GFI1B: variants seen among roughly 807,000 people sequenced by gnomAD.
GFI1B encodes the protein growth factor independent 1B transcriptional repressor, also known as zinc finger protein Gfi-1b.
A neutral mutation model predicts 35.3 loss-of-function variants in GFI1B; 20 were observed. The observed-to-expected ratio is 0.57, with a 90% CI of 0.40 to 0.82. GFI1B has a LOEUF of 0.82. GFI1B is among the 40% of genes least tolerant of loss of function. GFI1B has a pLI of 0.00. For missense variants in GFI1B, 430 were observed against 446.3 expected (o/e 0.96, Z 0.33); for synonymous variants, 178 against 177.6 (o/e 1.00, Z -0.02).
rs533744546 is a variant in GFI1B, at chr9:132,982,965, C to T, written c.-20-3694C>T. 2.0e-5 allele frequency among the ~76,000 whole-genome samples: 3 copies of T among 152,216 alleles called. No homozygotes were observed. In the Middle Eastern group the frequency reaches 0.01, roughly 518 times the overall value. On this transcript the variant is annotated intron_variant, in intron 1 of 6. Coordinates refer to ENST00000372122, the MANE Select transcript of GFI1B (RefSeq NM_001377304.1). ...TTGCCCTGTGCCTAAGTGAAAAGTG[C>T]TTGGCCAGGGCTCATGAGCGCTAGA...
intron 1 of GFI1B, among the ~76,000 whole-genome samples, chr9:132,961,338 T>C (rs1848359898): frequency 6.6e-6 from 1 of 151,910 alleles, no homozygotes; most frequent in Admixed American, 6.6e-5. Context: ...GAGAAAACTT[T>C]TGCAACTTAT....
At chr9:132,981,888 G>A (rs1848834339) in intron 1 of GFI1B, among the ~76,000 whole-genome samples, 1 of 152,146 alleles carries the variant, frequency 6.6e-6, no homozygotes, top group Non-Finnish European at 1.5e-5. Flanking sequence ...GAGTAGCTGG[G>A]ATTACAGGTG....
At chr9:132,946,237 C>G (rs2132569832) in intron 1 of GFI1B, among the ~76,000 whole-genome samples, 1 of 152,240 alleles carries the variant, frequency 6.6e-6, no homozygotes, top group East Asian at 1.9e-4. Flanking sequence ...GTTCTAGATT[C>G]AAACAGACCA....
upstream of GFI1B, chr9:132,976,499 G>A (rs78897084): frequency 0.026 from 3,907 of 152,396 alleles, 80 homozygotes; most frequent in Non-Finnish European, 0.04. Context: ...ACAGCAGCTC[G>A]TGCCTGTAAT....
intron 1 of GFI1B, among the ~76,000 whole-genome samples, chr9:132,983,513 GCCCCAGCACCCTGCATT>G (rs1001878365): frequency 1.3e-5 from 2 of 152,010 alleles, no homozygotes; most frequent in Non-Finnish European, 2.9e-5. Context: ...CTCCCCTCTT[GCCCCAGCACCCTGCATT>G]TCCCTCTGTG....
intron 1 of GFI1B, among the ~76,000 whole-genome samples, chr9:132,963,345 T>C (rs190376988): frequency 2.3e-4 from 35 of 152,134 alleles, no homozygotes; most frequent in African/African-American, 7.7e-4. Flanking sequence ...TGGCATGTTG[T>C]GGCACGCACT....
At chr9:132,972,994 C>T (rs1158187560) in intron 2 of GFI1B, among the ~76,000 whole-genome samples, 1 of 152,216 alleles carries the variant, frequency 6.6e-6, no homozygotes, top group East Asian at 1.9e-4. Context: ...TGCTGTCCAC[C>T]CTTCAGCGCA....
chr9:132,949,896 C>G (rs142207327), intron 1 of GFI1B: 1,939 of 152,866 alleles, frequency 0.013, 47 homozygotes, highest in African/African-American at 0.044. Flanking sequence ...GGAGGATTGC[C>G]TGGGGCCGGG....
intron 1 of GFI1B, among the ~76,000 whole-genome samples, chr9:132,956,107 C>A (rs1254139032): frequency 6.6e-6 from 1 of 152,180 alleles, no homozygotes; most frequent in Non-Finnish European, 1.5e-5. Context: ...ACACGTTTGA[C>A]CACACATGTG....
At chr9:132,947,009 A>G (rs1395940350) in intron 1 of GFI1B, 1 of 152,488 alleles carries the variant, frequency 6.6e-6, no homozygotes, top group Non-Finnish European at 1.5e-5. Context: ...AGGCTGGGCC[A>G]CCTAGATGTT....
intron 1 of GFI1B, among the ~76,000 whole-genome samples, chr9:132,946,252 TTGAA>T (rs1848095280): frequency 6.6e-6 from 1 of 152,116 alleles, no homozygotes. Flanking sequence ...AGACCAGAGT[TTGAA>T]TGTAGGTTTC....
intron 1 of GFI1B, among the ~76,000 whole-genome samples, chr9:132,979,554 T>G (rs1448054034): frequency 1.3e-5 from 2 of 152,122 alleles, no homozygotes; most frequent in East Asian, 3.9e-4. Flanking sequence ...CCCAGGACAC[T>G]TTGAGAGTCA....
chr9:132,978,694 A>T lies in GFI1B; in HGVS notation c.-168A>T, dbSNP rs1290066306. 6.6e-6 allele frequency: 1 copy of T among 152,292 alleles called. No individual in the cohort carries two copies. The highest frequency in any genetic ancestry group is 2.4e-5 in the African/African-American group (1 of 41,480). 9.4% of individuals were successfully genotyped at this position (152,292 alleles called of 1,614,324 possible). On this transcript the variant is annotated 5_prime_UTR_variant, in exon 1 of 7. Coordinates refer to ENST00000372122, the MANE Select transcript of GFI1B (RefSeq NM_001377304.1). Reference sequence around the variant, plus strand: ...GGGAGGGGAACAGAAGAGGAAAAACACACAGAGAGACAGAGCAAAAAGGAG... The same window carrying T: ...GGGAGGGGAACAGAAGAGGAAAAACTCACAGAGAGACAGAGCAAAAAGGAG...
At chr9:132,979,546 C>T (rs537304515) in intron 1 of GFI1B, among the ~76,000 whole-genome samples, 1 of 152,200 alleles carries the variant, frequency 6.6e-6, no homozygotes, top group East Asian at 1.9e-4. Flanking sequence ...GCCAAATTCC[C>T]AGGACACTTT....
At chr9:132,978,384 T>C, upstream of GFI1B, 1 of 152,110 alleles carries the variant, frequency 6.6e-6, no homozygotes, top group East Asian at 1.9e-4. Flanking sequence ...CTATGCAAAA[T>C]CGAGTTTTAT....
At chr9:132,976,289 G>A (rs1184457451), upstream of GFI1B, among the ~76,000 whole-genome samples, 1 of 152,198 alleles carries the variant, frequency 6.6e-6, no homozygotes, top group Non-Finnish European at 1.5e-5. Context: ...ATAAAATCAT[G>A]TTTCACGGAA....
intron 1 of GFI1B, among the ~76,000 whole-genome samples, chr9:132,958,134 A>G (rs1318877993): frequency 6.6e-6 from 1 of 152,116 alleles, no homozygotes; most frequent in African/African-American, 2.4e-5. Flanking sequence ...TTGGGTCGAC[A>G]TCTGCTGGGG....
intron 1 of GFI1B, among the ~76,000 whole-genome samples, chr9:132,950,909 C>T (rs1279283305): frequency 6.6e-6 from 1 of 152,070 alleles, no homozygotes; most frequent in East Asian, 1.9e-4. Context: ...GCAAACATGG[C>T]TCACTGCAGC....
At chr9:132,965,197 C>T (rs551171490) in intron 1 of GFI1B, among the ~76,000 whole-genome samples, 23 of 152,234 alleles carry the variant, frequency 1.5e-4, no homozygotes, top group African/African-American at 5.3e-4. Flanking sequence ...GGCAGGTGCC[C>T]AGTAACAAGA....
Sources: allele counts gnomAD v4.1 joint callset (sites outside exome capture counted in the v4.1 genomes callset), GRCh38; gene constraint gnomAD v4.1.1; transcripts MANE v1.5; gene names NCBI Gene and HGNC (gene_info 2026-07-23, HGNC 2026-07-21).